The following PCDH15 variants were observed in gnomAD, a reference collection of about 807,000 sequenced individuals.
PCDH15 encodes protocadherin-15.
Under a neutral mutation model 178.5 loss-of-function variants are expected in PCDH15, and 129 were observed. The ratio of observed to expected loss-of-function variants is 0.72; its 90% confidence interval spans 0.63 to 0.84. The LOEUF (loss-of-function observed/expected upper bound fraction) is 0.84. Among genes scored for constraint, PCDH15 ranks in the 40% least tolerant of loss-of-function variants. PCDH15 has a pLI of 0.00. For missense variants in PCDH15, 2,230 were observed against 2,099.9 expected, an observed-to-expected ratio of 1.06 and a Z score of -1.21; for synonymous variants, 800 against 732.0, an observed-to-expected ratio of 1.09 and a Z score of -1.50.
chr10:54,343,001 T>C (rs1428276851), intron 6 of PCDH15, among the ~76,000 whole-genome samples: 1 of 152,184 alleles, frequency 6.6e-6, no homozygotes, highest in African/African-American at 2.4e-5. Context: ...TATAGGCTTA[T>C]GGGTTAAAGG....
intron 1 of PCDH15, among the ~76,000 whole-genome samples, chr10:55,209,276 T>C (rs569466816): frequency 2.0e-5 from 3 of 152,246 alleles, no homozygotes; most frequent in African/African-American, 7.2e-5. Flanking sequence ...ACTGAGATGA[T>C]GCAGAACCTT....
At chr10:54,660,280 A>G (rs565306740) in intron 2 of PCDH15, among the ~76,000 whole-genome samples, 1 of 152,150 alleles carries the variant, frequency 6.6e-6, no homozygotes, top group African/African-American at 2.4e-5. Context: ...AATACAAAAT[A>G]TATTCAGAGT....
intron 23 of PCDH15, among the ~76,000 whole-genome samples, chr10:53,948,155 AC>A (rs1468286538): frequency 1.3e-5 from 2 of 152,056 alleles, no homozygotes; most frequent in Admixed American, 1.3e-4. Context: ...GTCCTGATAA[AC>A]CCATCCCTGT....
chr10:54,219,587 C>A (rs1591250801), intron 9 of PCDH15, among the ~76,000 whole-genome samples: 4 of 102,066 alleles, frequency 3.9e-5, no homozygotes, highest in Non-Finnish European at 5.5e-5. Context: ...AACAAGACTC[C>A]ATCTCAAAAA....
intron 30 of PCDH15, among the ~76,000 whole-genome samples, chr10:53,829,587 T>C (rs978279673): frequency 6.6e-6 from 1 of 152,216 alleles, no homozygotes; most frequent in Non-Finnish European, 1.5e-5. Context: ...TCAATTTTGT[T>C]CATCAGCTTT....
At chr10:54,392,002 A>G (rs1207011670) in intron 3 of PCDH15, among the ~76,000 whole-genome samples, 2 of 152,150 alleles carry the variant, frequency 1.3e-5, no homozygotes, top group African/African-American at 4.8e-5. Flanking sequence ...GTGAGGCATA[A>G]TAACACTGTG....
chr10:54,795,429 A>G (rs1328808801), intron 1 of PCDH15, among the ~76,000 whole-genome samples: 1 of 151,880 alleles, frequency 6.6e-6, no homozygotes, highest in Non-Finnish European at 1.5e-5. Context: ...CTGCAAATCA[A>G]TACCACCATT....
chr10:55,351,712 C>G (rs1396195571), intron 2 of PCDH15, among the ~76,000 whole-genome samples: 1 of 152,068 alleles, frequency 6.6e-6, no homozygotes, highest in Non-Finnish European at 1.5e-5. Context: ...ACTGACCATC[C>G]TACCATACAC....
At chr10:55,619,360 T>C (rs779980233) in intron 2 of PCDH15, among the ~76,000 whole-genome samples, 1 of 151,990 alleles carries the variant, frequency 6.6e-6, no homozygotes, top group Non-Finnish European at 1.5e-5. Context: ...CACACTCTGC[T>C]GGAGGTAACT....
chr10:54,554,195 C>T (rs1215105851), intron 2 of PCDH15, among the ~76,000 whole-genome samples: 1 of 152,110 alleles, frequency 6.6e-6, no homozygotes, highest in East Asian at 1.9e-4. Context: ...ACTCCATTTT[C>T]TCACCTGGCC....
At chr10:54,320,342 C>G (rs2061521377) in intron 7 of PCDH15, among the ~76,000 whole-genome samples, 1 of 151,972 alleles carries the variant, frequency 6.6e-6, no homozygotes, top group African/African-American at 2.4e-5. Context: ...TAGAAGCCTC[C>G]TCCCTCTCAT....
chr10:54,217,375 C>T (rs1230646847), intron 9 of PCDH15, among the ~76,000 whole-genome samples: 1 of 152,052 alleles, frequency 6.6e-6, no homozygotes. Context: ...AGAGAAATTA[C>T]AAAACTCAAA....
At chr10:55,256,368 A>G (rs1159443616) in intron 1 of PCDH15, among the ~76,000 whole-genome samples, 8 of 152,162 alleles carry the variant, frequency 5.3e-5, no homozygotes, top group Non-Finnish European at 1.0e-4. Flanking sequence ...GGAGTGTCGG[A>G]AAGTGGGTGC....
chr10:54,862,563 G>A (rs1217864163), intron 3 of PCDH15, among the ~76,000 whole-genome samples: 1 of 152,190 alleles, frequency 6.6e-6, no homozygotes, highest in Non-Finnish European at 1.5e-5. Flanking sequence ...TTGTTGGGAG[G>A]TAGGGTCTAG....
chr10:54,268,361 G>C (rs74396167), intron 8 of PCDH15, among the ~76,000 whole-genome samples: 3 of 151,920 alleles, frequency 2.0e-5, no homozygotes, highest in African/African-American at 7.2e-5. Context: ...GGACATTGAC[G>C]TAGGCAAAGA....
chr10:54,775,407 TACAC>T lies in PCDH15; in HGVS notation c.-29+25514_-29+25517del, dbSNP rs143114546. 6.3e-3 allele frequency among the ~76,000 whole-genome samples: 958 copies of T among 152,320 alleles called. 20 individuals carry two copies. Among genetic ancestry groups the T allele is most frequent in the East Asian group, 0.055 (282 of 5,168 alleles). On this transcript the variant is annotated intron_variant, in intron 1 of 37. Transcript: ENST00000644397. ...TATGGAGTACATAGTGATGTTTAGA[TACAC>T]ACAACGTATAGTAATCAGATCAGGG...
chr10:54,878,757 A>C (rs531506285), intron 3 of PCDH15, among the ~76,000 whole-genome samples: 44 of 152,204 alleles, frequency 2.9e-4, no homozygotes, highest in African/African-American at 1.0e-3. Context: ...TATGCTGCAC[A>C]GATTAACCCA....
At chr10:55,265,298 G>C (rs1170217725) in intron 1 of PCDH15, among the ~76,000 whole-genome samples, 1 of 136,460 alleles carries the variant, frequency 7.3e-6, no homozygotes, top group Non-Finnish European at 1.5e-5. Flanking sequence ...TAGATATAGA[G>C]ATGTATCTCT....
intron 2 of PCDH15, among the ~76,000 whole-genome samples, chr10:55,006,722 C>G (rs551503782): frequency 6.6e-6 from 1 of 152,334 alleles, no homozygotes; most frequent in African/African-American, 2.4e-5. Context: ...ACCCTTATAC[C>G]AGTGTGCCAT....
Sources: gnomAD v4.1 joint callset for allele counts (sites outside exome capture counted in the v4.1 genomes callset) on GRCh38, gnomAD v4.1.1 for gene constraint, MANE v1.5 for transcripts, NCBI Gene and HGNC (gene_info 2026-07-23, HGNC 2026-07-21) for gene names.